The following SLC44A5 variants were observed in gnomAD, a reference collection of about 807,000 sequenced individuals.
SLC44A5 encodes the protein choline transporter-like protein 5.
SLC44A5 carries 57 observed loss-of-function variants against 101.8 expected under a neutral mutation model. That is an observed-to-expected ratio of 0.56 (90% confidence interval 0.45 to 0.70). SLC44A5 has a LOEUF of 0.70. SLC44A5 is among the 30% of genes least tolerant of loss of function. SLC44A5 has a pLI of 0.00. For missense variants in SLC44A5, 737 were observed against 853.1 expected (o/e 0.86, Z 1.70); for synonymous variants, 281 against 290.9 (o/e 0.97, Z 0.35).
intron 4 of SLC44A5, among the ~76,000 whole-genome samples, chr1:75,329,539 G>GTAT (rs1223010801): frequency 6.6e-6 from 1 of 151,750 alleles, no homozygotes; most frequent in Non-Finnish European, 1.5e-5. Flanking sequence ...ATTTTTAAAT[G>GTAT]TATTAACATT....
intron 3 of SLC44A5, among the ~76,000 whole-genome samples, chr1:75,359,791 G>A (rs185987344): frequency 9.9e-5 from 15 of 152,080 alleles, no homozygotes; most frequent in African/African-American, 3.1e-4. Context: ...TCTCACCAAC[G>A]GTGCACAGGG....
chr1:75,600,482 C>A (rs1674907958), intron 1 of SLC44A5, among the ~76,000 whole-genome samples: 1 of 151,946 alleles, frequency 6.6e-6, no homozygotes, highest in South Asian at 2.1e-4. Context: ...GGTTGTTTAA[C>A]CTCTGTGAAT....
intron 4 of SLC44A5, among the ~76,000 whole-genome samples, chr1:75,308,559 G>T (rs1245225661): frequency 6.6e-6 from 1 of 152,170 alleles, no homozygotes; most frequent in Non-Finnish European, 1.5e-5. Flanking sequence ...CTCTGCAAAT[G>T]CTAATAAAGT....
At chr1:75,641,689 A>G in the SLC44A5 span, 7 of 1,535,770 alleles carry the variant, frequency 4.6e-6, no homozygotes, top group Admixed American at 8.4e-5. Flanking sequence ...CCTCTCTCCA[A>G]TCTTGTATGA....
chr1:75,448,007 T>A (rs1438885649), intron 2 of SLC44A5, among the ~76,000 whole-genome samples: 1 of 152,040 alleles, frequency 6.6e-6, no homozygotes, highest in Non-Finnish European at 1.5e-5. Context: ...AAATTAAATA[T>A]AAAATAATAT....
At chr1:75,577,486 C>T (rs1368130154) in intron 1 of SLC44A5, among the ~76,000 whole-genome samples, 1 of 152,186 alleles carries the variant, frequency 6.6e-6, no homozygotes, top group Non-Finnish European at 1.5e-5. Flanking sequence ...TTTCTTCTTC[C>T]AGACATCCAG....
chr1:75,276,453 T>C lies in SLC44A5; in HGVS notation c.176-1411A>G, dbSNP rs566348841. On this transcript the variant is annotated intron_variant, in intron 5 of 23. Transcript: ENST00000370859. ...TTTATTCTAAAATGCCTTATTCTTT[T>C]TTTTGTATACAATTATTAATTCAGA... Among the ~76,000 whole-genome samples, 9 of 152,328 alleles carry C rather than the reference T, an allele frequency of 5.9e-5. No individual in the cohort carries two copies. In the East Asian group the frequency reaches 9.6e-4, roughly 16 times the overall value.
chr1:75,207,940 T>C (rs1199728699), intron 23 of SLC44A5, among the ~76,000 whole-genome samples: 1 of 152,154 alleles, frequency 6.6e-6, no homozygotes, highest in Non-Finnish European at 1.5e-5. Flanking sequence ...CCTTAGTCAC[T>C]TAGTAGCTTT....
At chr1:75,262,548 C>T (rs1650612551) in intron 6 of SLC44A5, among the ~76,000 whole-genome samples, 1 of 152,132 alleles carries the variant, frequency 6.6e-6, no homozygotes, top group Non-Finnish European at 1.5e-5. Context: ...GTGAAAATGC[C>T]ATATTTCCCA....
chr1:75,361,127 G>A (rs1659458951), intron 3 of SLC44A5, among the ~76,000 whole-genome samples: 1 of 151,856 alleles, frequency 6.6e-6, no homozygotes, highest in Admixed American at 6.6e-5. Flanking sequence ...TGTGTATAGA[G>A]GTGCTAATGA....
At chr1:75,422,180 C>T (rs190579750) in intron 2 of SLC44A5, among the ~76,000 whole-genome samples, 12 of 152,264 alleles carry the variant, frequency 7.9e-5, no homozygotes, top group Admixed American at 7.2e-4. Flanking sequence ...CATGGAAAAG[C>T]AAACGCCCTT....
At chr1:75,527,314 AAGGGAGGG>A (rs3031444) in intron 2 of SLC44A5, among the ~76,000 whole-genome samples, 1 of 133,884 alleles carries the variant, frequency 7.5e-6, no homozygotes, top group African/African-American at 2.9e-5. Context: ...GACAGAAAGG[AAGGGAGGG>A]AGGGAGGGAG....
chr1:75,576,553 C>T (rs1233267466), intron 1 of SLC44A5, among the ~76,000 whole-genome samples: 2 of 152,168 alleles, frequency 1.3e-5, no homozygotes, highest in East Asian at 3.9e-4. Context: ...CTCCTGACCT[C>T]GTGATCCGTC....
rs149631680 is a variant in SLC44A5, at chr1:75,348,198, T to G, written c.53-8568A>C. Among the ~76,000 whole-genome samples, 1,477 of 151,944 alleles carry G rather than the reference T, an allele frequency of 9.7e-3. 21 individuals are homozygous for G. Among genetic ancestry groups the G allele is most frequent in the Non-Finnish European group, 0.015 (1,046 of 67,924 alleles). On this transcript the variant is annotated intron_variant, in intron 3 of 23. Coordinates refer to ENST00000370859, the MANE Select transcript of SLC44A5 (RefSeq NM_001130058.2). ...TCTCTCTGTCAAAGCAACTAAAAAT[T>G]TGAGATATAAAGCTTAAAGAATATC...
chr1:75,344,974 G>A (rs1658141404), intron 3 of SLC44A5, among the ~76,000 whole-genome samples: 1 of 150,830 alleles, frequency 6.6e-6, no homozygotes, highest in Non-Finnish European at 1.5e-5. Flanking sequence ...ATTAGTGCCT[G>A]TTGTACACAT....
Position 75,211,774 on chromosome 1 carries a change from T to G in SLC44A5, c.1963-222A>C, listed in dbSNP as rs541906958. Among the ~76,000 whole-genome samples the G allele has an allele frequency of 1.5e-3, 225 of 152,086 alleles. 1 individual carries two copies. The highest frequency in any genetic ancestry group is 5.2e-3 in the African/African-American group (214 of 41,518). On this transcript the variant is annotated intron_variant, in intron 22 of 23. Transcript: ENST00000370859. ...TTAACTGCCTTTTTTTTCCCTTTTTTGGGGGGTACTATTTTCTTTCTTCCT... is the reference window on the plus strand; with the variant it reads ...TTAACTGCCTTTTTTTTCCCTTTTTGGGGGGGTACTATTTTCTTTCTTCCT...
At chr1:75,206,760 C>T in intron 23 of SLC44A5, 1 of 1,134,630 alleles carries the variant, frequency 8.8e-7, no homozygotes, top group South Asian at 1.3e-5. Flanking sequence ...GCAGAAGCAG[C>T]AGAACAATTA....
At chr1:75,610,171 AC>A (rs1675572515) in intron 1 of SLC44A5, among the ~76,000 whole-genome samples, 1 of 149,652 alleles carries the variant, frequency 6.7e-6, no homozygotes, top group Non-Finnish European at 1.5e-5. Flanking sequence ...ACACACACAC[AC>A]ACATAGTGAA....
intron 2 of SLC44A5, among the ~76,000 whole-genome samples, chr1:75,418,889 A>G (rs1457321842): frequency 1.3e-5 from 2 of 152,194 alleles, no homozygotes; most frequent in Admixed American, 1.3e-4. Flanking sequence ...CTAGAAAACC[A>G]GAAAAAAAAT....
Sources: allele counts gnomAD v4.1 joint callset (sites outside exome capture counted in the v4.1 genomes callset), GRCh38; gene constraint gnomAD v4.1.1; transcripts MANE v1.5; gene names NCBI Gene and HGNC (gene_info 2026-07-23, HGNC 2026-07-21).